Variants in MRPS6 observed in about 807,000 individuals in gnomAD.
The protein encoded by MRPS6 is small ribosomal subunit protein bS6m.
A neutral mutation model predicts 13.1 loss-of-function variants in MRPS6; 6 were observed. That is an observed-to-expected ratio of 0.46 (90% CI 0.25 to 0.91). The LOEUF is 0.91. MRPS6 is among the 40% of genes least tolerant of loss of function. The probability of loss-of-function intolerance (pLI) is 0.18; values close to 1 mark genes in which losing one functional copy is unlikely to be tolerated. For missense variants in MRPS6, 164 were observed against 155.6 expected, an observed-to-expected ratio of 1.05 and a Z score of -0.29; for synonymous variants, 61 against 56.5, an observed-to-expected ratio of 1.08 and a Z score of -0.36.
chr21:34,109,207 G>C (rs1161326542), intron 1 of MRPS6, among the ~76,000 whole-genome samples: 1 of 151,692 alleles, frequency 6.6e-6, no homozygotes, highest in South Asian at 2.1e-4. Flanking sequence ...TTCCACTCCC[G>C]CTTTATTTAC....
At chr21:34,126,647 C>T (rs996813202) in intron 2 of MRPS6, among the ~76,000 whole-genome samples, 4 of 152,276 alleles carry the variant, frequency 2.6e-5, no homozygotes, top group African/African-American at 2.4e-5. Context: ...GTTTTAACAG[C>T]GCAGTTATGG....
At position 34,096,947 on chromosome 21, in the gene MRPS6, C is replaced by T. The variant is rs1474373806; in HGVS notation, c.45+23202C>T. 9 of 1,614,086 alleles carry T rather than the reference C, an allele frequency of 5.6e-6. No individual in the cohort carries two copies. The highest frequency in any genetic ancestry group is 2.2e-5 in the South Asian group (2 of 91,080). On this transcript the variant is annotated intron_variant, in intron 1 of 2. Coordinates refer to ENST00000399312, the MANE Select transcript of MRPS6 (RefSeq NM_032476.4). This position sits in a 1 kb window ranked among gnomAD's most constrained non-coding sequence, Gnocchi z 5.9. Reference sequence around the variant, plus strand: ...GCAGTGAGAATAATGAGACCATCAACCACATCATTCCCAACGGGAAATCTG... The same window carrying T: ...GCAGTGAGAATAATGAGACCATCAATCACATCATTCCCAACGGGAAATCTG...
At chr21:34,098,220 A>T in intron 1 of MRPS6, 1 of 999,176 alleles carries the variant, frequency 1.0e-6, no homozygotes. Context: ...TGCTAATCAG[A>T]TGATTACTCA....
intron 1 of MRPS6, among the ~76,000 whole-genome samples, chr21:34,074,965 TTG>T (rs1338850842): frequency 6.6e-6 from 1 of 152,232 alleles, no homozygotes; most frequent in Non-Finnish European, 1.5e-5. Flanking sequence ...AGGCATGCCA[TTG>T]TGTCCCCCAG....
intron 1 of MRPS6, among the ~76,000 whole-genome samples, chr21:34,120,475 A>G (rs1980079596): frequency 1.3e-5 from 2 of 152,216 alleles, no homozygotes; most frequent in African/African-American, 2.4e-5. Context: ...TACCTTTTGC[A>G]TAATAGCCCT....
At chr21:34,108,197 A>T (rs1602944474) in intron 1 of MRPS6, among the ~76,000 whole-genome samples, 1 of 152,230 alleles carries the variant, frequency 6.6e-6, no homozygotes, top group Admixed American at 6.5e-5. Flanking sequence ...TTTTACATTC[A>T]CTAACCACTC....
intron 1 of MRPS6, among the ~76,000 whole-genome samples, chr21:34,113,915 T>C (rs983831731): frequency 1.3e-5 from 2 of 152,194 alleles, no homozygotes; most frequent in Non-Finnish European, 2.9e-5. Context: ...CCTTCTACCC[T>C]GTGAAGAGGT....
At chr21:34,101,921 G>T (rs1452069569) in intron 1 of MRPS6, 2 of 999,934 alleles carry the variant, frequency 2.0e-6, no homozygotes, top group African/African-American at 3.5e-5. Flanking sequence ...TTGAAATGAT[G>T]GTGTCAGAGT....
At chr21:34,086,214 T>G (rs1008489342) in intron 1 of MRPS6, among the ~76,000 whole-genome samples, 4 of 151,778 alleles carry the variant, frequency 2.6e-5, no homozygotes, top group East Asian at 3.8e-4. Flanking sequence ...ATTCAGGTTT[T>G]GTTTTGTTTT....
chr21:34,108,421 T>G (rs1232377515), intron 1 of MRPS6, among the ~76,000 whole-genome samples: 1 of 152,208 alleles, frequency 6.6e-6, no homozygotes, highest in Non-Finnish European at 1.5e-5. Context: ...AGCCTAGGTG[T>G]GTAGTAGGGT....
In MRPS6 at chr21:34,117,847, T is replaced by C. The variant is rs534865997; in HGVS notation, c.46-7494T>C. The stretch of plus-strand genomic sequence containing the variant: ...TTGTGCCATTTAAGTTATTTTAAAA[T>C]GGCTTCCCCATAAAGATGCGTGATG... On this transcript the variant is annotated intron_variant, in intron 1 of 2. Transcript: ENST00000399312. Among the ~76,000 whole-genome samples the C allele has an allele frequency of 1.1e-4, 16 of 152,256 alleles. No homozygotes were observed. The South Asian group carries it at 2.9e-3, about 28-fold the overall frequency.
intron 2 of MRPS6, among the ~76,000 whole-genome samples, chr21:34,138,381 T>C (rs1210971162): frequency 6.6e-6 from 1 of 152,194 alleles, no homozygotes. Context: ...AGGGTTTTTA[T>C]GGTTTTAGGT....
At chr21:34,081,844 T>G (rs1467802747) in intron 1 of MRPS6, among the ~76,000 whole-genome samples, 2 of 152,162 alleles carry the variant, frequency 1.3e-5, no homozygotes, top group Admixed American at 1.3e-4. Context: ...AAGATAAAAC[T>G]TATTATATCT....
chr21:34,081,787 T>C (rs760953551), intron 1 of MRPS6, among the ~76,000 whole-genome samples: 35 of 152,220 alleles, frequency 2.3e-4, no homozygotes, highest in Non-Finnish European at 5.0e-4. Context: ...GTGAACTTCA[T>C]TGCCTAGTTT....
intron 2 of MRPS6, among the ~76,000 whole-genome samples, chr21:34,132,604 C>A (rs947589492): frequency 6.6e-6 from 1 of 152,198 alleles, no homozygotes; most frequent in African/African-American, 2.4e-5. Context: ...CCTTGAGAAT[C>A]CTCCAACATG....
chr21:34,113,093 T>C (rs1478168536), intron 1 of MRPS6, among the ~76,000 whole-genome samples: 1 of 152,034 alleles, frequency 6.6e-6, no homozygotes, highest in Non-Finnish European at 1.5e-5. Context: ...AAAATACAAA[T>C]GTTGACGAGG....
intron 1 of MRPS6, chr21:34,104,466 G>A: frequency 1.0e-6 from 1 of 999,088 alleles, no homozygotes; most frequent in Non-Finnish European, 1.2e-6. Flanking sequence ...CTCAGAATGG[G>A]AGAGAAATGA....
intron 1 of MRPS6, among the ~76,000 whole-genome samples, chr21:34,083,757 CAT>C (rs1486138468): frequency 8.5e-5 from 13 of 152,306 alleles, no homozygotes; most frequent in Admixed American, 2.0e-4. Context: ...ATGCCATTCT[CAT>C]GTGTGGACTA....
At chr21:34,092,764 TC>T (rs912916330) in intron 1 of MRPS6, among the ~76,000 whole-genome samples, 42 of 151,752 alleles carry the variant, frequency 2.8e-4, no homozygotes, top group African/African-American at 1.0e-3. Context: ...CCACCCTATT[TC>T]CCCCCCAACG....
Sources: gnomAD v4.1 joint callset for allele counts (sites outside exome capture counted in the v4.1 genomes callset) on GRCh38, gnomAD v4.1.1 for gene constraint, Gnocchi (gnomAD v3.1) non-coding constraint, MANE v1.5 for transcripts, NCBI Gene and HGNC (gene_info 2026-07-23, HGNC 2026-07-21) for gene names.